Variants in ACSM1 observed in about 807,000 individuals in gnomAD.
ACSM1 encodes the protein acyl-CoA synthetase medium chain family member 1.
ACSM1 carries 79 observed loss-of-function variants against 75.8 expected under a neutral mutation model. The ratio of observed to expected loss-of-function variants is 1.04; its 90% CI spans 0.87 to 1.26. The LOEUF is 1.26. Ranked by LOEUF, ACSM1 falls within the 50% of genes most tolerant of loss-of-function variation. The pLI is 0.00. For synonymous variants in ACSM1, 279 were observed against 265.8 expected, an observed-to-expected ratio of 1.05 and a Z score of -0.48; for missense variants, 676 against 720.1, an observed-to-expected ratio of 0.94 and a Z score of 0.70.
intron 7 of ACSM1, 95 bp from the exon 8 acceptor site, chr16:20,640,679 A>G (rs1317169826): frequency 6.4e-7 from 1 of 1,560,556 alleles, no homozygotes; most frequent in Non-Finnish European, 8.7e-7. Context: ...TCATCCTTCT[A>G]GTTCCTCACT....
chr16:20,649,036 C>CA (rs2018502086), intron 7 of ACSM1, among the ~76,000 whole-genome samples: 1 of 152,152 alleles, frequency 6.6e-6, no homozygotes, highest in South Asian at 2.1e-4. Flanking sequence ...TGAAGGCTCC[C>CA]ATGTATACAT....
At chr16:20,667,633 G>T (rs1008020832) in intron 6 of ACSM1, among the ~76,000 whole-genome samples, 2 of 152,148 alleles carry the variant, frequency 1.3e-5, no homozygotes, top group Non-Finnish European at 2.9e-5. Flanking sequence ...GTTTGACCCA[G>T]CAATCCCATT....
At chr16:20,635,600 C>A (rs559287185) in intron 10 of ACSM1, among the ~76,000 whole-genome samples, 1 of 53,502 alleles carries the variant, frequency 1.9e-5, no homozygotes, top group South Asian at 7.7e-4. Flanking sequence ...TTCTTTCTTT[C>A]TTTCTTTCTT....
At chr16:20,638,654 G>C (rs780621827) in intron 8 of ACSM1, among the ~76,000 whole-genome samples, 1 of 152,182 alleles carries the variant, frequency 6.6e-6, no homozygotes, top group African/African-American at 2.4e-5. Flanking sequence ...AAAGGTGGGG[G>C]AGCTGAGGTG....
At chr16:20,661,926 C>T in intron 6 of ACSM1, 53 bp from the exon 7 acceptor site, 2 of 1,245,708 alleles carry the variant, frequency 1.6e-6, no homozygotes, top group Non-Finnish European at 1.2e-6. Context: ...GTTAAACTAA[C>T]AGCCAATTAT....
intron 4 of ACSM1, chr16:20,674,843 G>C (rs1221941564): frequency 6.6e-6 from 1 of 152,360 alleles, no homozygotes; most frequent in Non-Finnish European, 1.5e-5. Flanking sequence ...AGGGCCCAAG[G>C]TAGGAAAGCC....
At position 20,625,394 on chromosome 16, in the gene ACSM1, A is replaced by G. The variant is rs188713952; in HGVS notation, c.1527+29T>C. 2.9e-5 allele frequency: 47 copies of G among 1,608,016 alleles called. No individual in the cohort carries two copies. The East Asian group carries it at 1.1e-3, about 36-fold the overall frequency. On this transcript the variant is annotated intron_variant, in intron 12 of 13. Coordinates refer to ENST00000520010, the MANE Select transcript of ACSM1 (RefSeq NM_001318890.3). ...ACCTGCTTTCCTAGTGCCCACGCAC[A>G]GACATGATGATCTCTGTGTTCTCCT...
chr16:20,671,527 CTACCT>C lies in ACSM1; in HGVS notation c.751_752+3del. ...AGCCTCTATGTCGGTGCCCTCTTTCCTACCTTCCTGGGAAGGAGGGTTGTAAGGCC... is the reference window on the plus strand; with the variant it reads ...AGCCTCTATGTCGGTGCCCTCTTTCCTCCTGGGAAGGAGGGTTGTAAGGCC... On this transcript the variant is annotated splice_donor_variant and splice_donor_region_variant and coding_sequence_variant and intron_variant, in exon 5 of 14. Coordinates refer to ENST00000520010, the MANE Select transcript of ACSM1 (RefSeq NM_001318890.3). LOFTEE classifies it high-confidence loss of function. 6.2e-7 allele frequency: 1 copy of C among 1,602,856 alleles called. No individual in the cohort carries two copies. Among genetic ancestry groups the C allele is most frequent in the Non-Finnish European group, 8.5e-7 (1 of 1,174,898 alleles).
intron 7 of ACSM1, among the ~76,000 whole-genome samples, chr16:20,643,426 G>A (rs1434398261): frequency 2.0e-5 from 3 of 152,226 alleles, no homozygotes; most frequent in Admixed American, 1.3e-4. Flanking sequence ...CTGACTTCAA[G>A]AATGAAGCCG....
intron 1 of ACSM1, among the ~76,000 whole-genome samples, chr16:20,696,328 C>T (rs2079689693): frequency 6.6e-6 from 1 of 152,218 alleles, no homozygotes; most frequent in Admixed American, 6.5e-5. Flanking sequence ...TTTCCATCCA[C>T]ATCTGTCTTC....
intron 4 of ACSM1, among the ~76,000 whole-genome samples, chr16:20,672,471 A>AAAAATATATATAT (rs1555473775): frequency 9.3e-5 from 6 of 64,562 alleles, no homozygotes; most frequent in Admixed American, 2.7e-4. Flanking sequence ...AAAAAAAAAA[A>AAAAATATATATAT]ATATATATAT....
intron 10 of ACSM1, among the ~76,000 whole-genome samples, chr16:20,633,329 A>G (rs1319167860): frequency 6.6e-6 from 1 of 152,244 alleles, no homozygotes; most frequent in Non-Finnish European, 1.5e-5. Flanking sequence ...TGTAAAAAAC[A>G]GAATCCATAC....
At chr16:20,668,603 C>T (rs747412579) in intron 6 of ACSM1, among the ~76,000 whole-genome samples, 10 of 152,080 alleles carry the variant, frequency 6.6e-5, no homozygotes, top group Non-Finnish European at 1.2e-4. Context: ...CAGCTTGGAC[C>T]GAGAAGACTA....
chr16:20,647,106 C>T (rs1414737825), intron 7 of ACSM1, among the ~76,000 whole-genome samples: 1 of 152,206 alleles, frequency 6.6e-6, no homozygotes, highest in Non-Finnish European at 1.5e-5. Context: ...TCAGTGGCCT[C>T]CTGGCTACAG....
Position 20,648,005 on chromosome 16 carries a change from C to G in ACSM1, c.993-7421G>C, listed in dbSNP as rs2018453580. On this transcript the variant is annotated intron_variant, in intron 7 of 13. Transcript: ENST00000520010. This position sits in a 1 kb window ranked among gnomAD's most constrained non-coding sequence, Gnocchi z 4.2. ...TTGGATTACCAATAAATAGCATGGG[C>G]TCCCAGAGCTCAGGAACTTTGCAGC... 6.6e-6 allele frequency among the ~76,000 whole-genome samples: 1 copy of G among 152,192 alleles called. No individual in the cohort carries two copies. Among genetic ancestry groups the G allele is most frequent in the African/African-American group, 2.4e-5 (1 of 41,452 alleles).
chr16:20,673,315 G>A (rs777584128), intron 4 of ACSM1, among the ~76,000 whole-genome samples: 1 of 151,904 alleles, frequency 6.6e-6, no homozygotes, highest in African/African-American at 2.4e-5. Flanking sequence ...ATCCCAACAC[G>A]AGAGGAAACA....
chr16:20,676,696 T>C (rs1425115498), intron 4 of ACSM1, among the ~76,000 whole-genome samples: 1 of 152,140 alleles, frequency 6.6e-6, no homozygotes, highest in Non-Finnish European at 1.5e-5. Flanking sequence ...CAAGGAGGCA[T>C]GGTCGTGGGC....
intron 7 of ACSM1, among the ~76,000 whole-genome samples, chr16:20,646,991 A>G (rs2018403162): frequency 6.6e-6 from 1 of 152,224 alleles, no homozygotes; most frequent in African/African-American, 2.4e-5. Flanking sequence ...AAACATCTGA[A>G]GATCTATCAT....
At chr16:20,652,456 T>C (rs865811419) in intron 7 of ACSM1, among the ~76,000 whole-genome samples, 22 of 151,892 alleles carry the variant, frequency 1.4e-4, no homozygotes, top group African/African-American at 5.3e-4. Context: ...TAAAAAGTCT[T>C]AAAGAAAAGA....
Sources: gnomAD v4.1 joint callset for allele counts (sites outside exome capture counted in the v4.1 genomes callset) on GRCh38, gnomAD v4.1.1 for gene constraint, Gnocchi (gnomAD v3.1) non-coding constraint, MANE v1.5 for transcripts, NCBI Gene and HGNC (gene_info 2026-07-23, HGNC 2026-07-21) for gene names.